The following PRKCH variants were observed in gnomAD, a reference collection of about 807,000 sequenced individuals.
The protein encoded by PRKCH is protein kinase C eta.
Under a neutral mutation model 82.5 loss-of-function variants are expected in PRKCH, and 28 were observed. The observed-to-expected ratio is 0.34, with a 90% CI of 0.25 to 0.47. The LOEUF is 0.47. Ranked by LOEUF, PRKCH falls within the 20% of genes least tolerant of loss-of-function variation. The probability of loss-of-function intolerance (pLI) is 1.00; values close to 1 mark genes in which losing one functional copy is unlikely to be tolerated. For missense variants in PRKCH, 705 were observed against 881.8 expected (o/e 0.80, Z 2.54); for synonymous variants, 322 against 327.4 (o/e 0.98, Z 0.18).
intron 1 of PRKCH, among the ~76,000 whole-genome samples, chr14:61,285,421 C>T (rs1389576926): frequency 1.3e-5 from 2 of 152,202 alleles, no homozygotes; most frequent in Non-Finnish European, 2.9e-5. Flanking sequence ...TAGGATATAA[C>T]TGTGTGACCT....
intron 10 of PRKCH, among the ~76,000 whole-genome samples, chr14:61,507,231 A>G (rs150718430): frequency 6.6e-6 from 1 of 152,310 alleles, no homozygotes; most frequent in African/African-American, 2.4e-5. Flanking sequence ...AATGAAAACC[A>G]CAATGAAATA....
rs2045334186 is a variant in PRKCH at position 61,288,431 on chromosome 14, C to T, written c.-19+100763C>T. On this transcript the variant is annotated intron_variant, in intron 1 of 3. Transcript: ENST00000555185. Reference sequence around the variant, plus strand: ...ACTTTCAATTCCATTACCTAGGTCACTGATTCAAATGCAAAAATACCTTGG... The same window carrying T: ...ACTTTCAATTCCATTACCTAGGTCATTGATTCAAATGCAAAAATACCTTGG... Among the ~76,000 whole-genome samples, 3 of 152,226 alleles carry T rather than the reference C, an allele frequency of 2.0e-5. No homozygotes were observed. The South Asian group carries it at 6.2e-4, about 32-fold the overall frequency.
chr14:61,199,678 A>AT (rs2044465104), intron 1 of PRKCH, among the ~76,000 whole-genome samples: 1 of 152,094 alleles, frequency 6.6e-6, no homozygotes, highest in Non-Finnish European at 1.5e-5. Flanking sequence ...GCCACAGTCA[A>AT]TGTAGGGGAA....
At position 61,550,639 on chromosome 14, in the gene PRKCH, T is replaced by G. The variant is rs532539959; in HGVS notation, c.*808T>G. The G allele has an allele frequency of 6.5e-6, 1 of 152,738 alleles. No homozygotes were observed. Among genetic ancestry groups the G allele is most frequent in the African/African-American group, 2.4e-5 (1 of 41,554 alleles). The allele number at this position is 152,738 out of a possible 1,614,324, so 9.5% of individuals were successfully genotyped here. The stretch of plus-strand genomic sequence containing the variant: ...CACTTTTGTCTGCACATAACTCTTT[T>G]TTCACAAGAAGGGTCACTGCCACAA... On this transcript the variant is annotated 3_prime_UTR_variant, in exon 14 of 14. Coordinates refer to ENST00000332981, the MANE Select transcript of PRKCH (RefSeq NM_006255.5).
intron 9 of PRKCH, among the ~76,000 whole-genome samples, chr14:61,470,189 G>A (rs1885436548): frequency 6.6e-6 from 1 of 151,876 alleles, no homozygotes; most frequent in African/African-American, 2.4e-5. Flanking sequence ...GGGAGGCGTA[G>A]CTCGAGTCCT....
At position 61,251,816 on chromosome 14, in the gene PRKCH, A is replaced by G. The variant is rs191600764; in HGVS notation, c.-19+64148A>G. ...GTGGTCGTACTAATTAACATTCCCA[A>G]CAAAACTGTATAAGGGTCTTTTTTT... is the stretch of plus-strand genomic sequence containing the variant. On this transcript the variant is annotated intron_variant, in intron 1 of 3. Coordinates refer to the PRKCH transcript ENST00000555185. Among the ~76,000 whole-genome samples the G allele has an allele frequency of 2.6e-5, 4 of 152,096 alleles. No individual in the cohort carries two copies. In the East Asian group the frequency reaches 7.7e-4, roughly 29 times the overall value.
intron 1 of PRKCH, among the ~76,000 whole-genome samples, chr14:61,297,188 G>A (rs72725887): frequency 0.12 from 18,242 of 152,144 alleles, 1,225 homozygotes; most frequent in Admixed American, 0.18. Context: ...AAAGTAACGT[G>A]CATTAGTTAA....
intron 10 of PRKCH, among the ~76,000 whole-genome samples, chr14:61,512,995 A>T (rs1448694469): frequency 6.6e-6 from 1 of 152,066 alleles, no homozygotes; most frequent in African/African-American, 2.4e-5. Flanking sequence ...TTTAAAAAAA[A>T]TTTTATAGAG....
rs147343235 is a variant in PRKCH at position 61,202,833 on chromosome 14, G to A, written c.-19+15165G>A. 7.9e-3 allele frequency among the ~76,000 whole-genome samples: 1,205 copies of A among 152,066 alleles called. 16 individuals are homozygous for A. The highest frequency in any genetic ancestry group is 0.027 in the African/African-American group (1,136 of 41,468). On this transcript the variant is annotated intron_variant, in intron 1 of 3. Transcript: ENST00000555185. Reference sequence around the variant, plus strand: ...CCTATTATTAATATCTTGCATTAGTGTCATACATTTGTTATATTGATGAGC... The same window carrying A: ...CCTATTATTAATATCTTGCATTAGTATCATACATTTGTTATATTGATGAGC...
intron 1 of PRKCH, among the ~76,000 whole-genome samples, chr14:61,270,954 G>A (rs1022081343): frequency 1.3e-5 from 2 of 152,126 alleles, no homozygotes; most frequent in Non-Finnish European, 2.9e-5. Context: ...AGCCTGGGTG[G>A]CAGAGCAAGT....
At chr14:61,337,660 G>T (rs528454346) in intron 1 of PRKCH, among the ~76,000 whole-genome samples, 1 of 152,116 alleles carries the variant, frequency 6.6e-6, no homozygotes, top group Non-Finnish European at 1.5e-5. Flanking sequence ...TCCTGACTTC[G>T]AGTGATGCCA....
At chr14:61,234,363 A>G (rs2044770718) in intron 1 of PRKCH, among the ~76,000 whole-genome samples, 2 of 152,184 alleles carry the variant, frequency 1.3e-5, no homozygotes, top group South Asian at 4.1e-4. Flanking sequence ...AAAACAAAAT[A>G]TAGTCATTAT....
At chr14:61,368,900 A>AT (rs922091605) in intron 1 of PRKCH, among the ~76,000 whole-genome samples, 13 of 151,950 alleles carry the variant, frequency 8.6e-5, no homozygotes, top group African/African-American at 2.9e-4. Flanking sequence ...TCATGCATGC[A>AT]TTTTTTTCAT....
At chr14:61,418,806 C>CT (rs1405057625) in intron 2 of PRKCH, among the ~76,000 whole-genome samples, 6 of 152,214 alleles carry the variant, frequency 3.9e-5, no homozygotes, top group African/African-American at 1.4e-4. Flanking sequence ...GGGAATTATA[C>CT]TCTGCCCCTT....
chr14:61,518,801 G>T (rs2042862702), intron 10 of PRKCH, among the ~76,000 whole-genome samples: 1 of 152,098 alleles, frequency 6.6e-6, no homozygotes, highest in Non-Finnish European at 1.5e-5. Context: ...TGCCCTGTTT[G>T]TTTGTTTCTT....
At chr14:61,291,373 A>C (rs1433880823) in intron 1 of PRKCH, among the ~76,000 whole-genome samples, 1 of 124,946 alleles carries the variant, frequency 8.0e-6, no homozygotes, top group Non-Finnish European at 1.6e-5. Context: ...CCCTGTCACC[A>C]GGCTGGAGTG....
intron 1 of PRKCH, among the ~76,000 whole-genome samples, chr14:61,350,013 G>A (rs1339908597): frequency 6.6e-6 from 1 of 152,194 alleles, no homozygotes; most frequent in Admixed American, 6.5e-5. Context: ...GGTGAATGAG[G>A]CAGCCATACA....
At chr14:61,290,846 G>A (rs2045355390) in intron 1 of PRKCH, among the ~76,000 whole-genome samples, 1 of 152,104 alleles carries the variant, frequency 6.6e-6, no homozygotes, top group African/African-American at 2.4e-5. Flanking sequence ...TAAGTTCCTG[G>A]CACACACAGC....
chr14:61,232,908 G>T (rs1260543185), intron 1 of PRKCH, among the ~76,000 whole-genome samples: 1 of 152,092 alleles, frequency 6.6e-6, no homozygotes. Flanking sequence ...CATTAGCACA[G>T]AAAAAGACAT....
Sources: gnomAD v4.1 joint callset for allele counts (sites outside exome capture counted in the v4.1 genomes callset) on GRCh38, gnomAD v4.1.1 for gene constraint, MANE v1.5 for transcripts, NCBI Gene and HGNC (gene_info 2026-07-23, HGNC 2026-07-21) for gene names.